Variants in COL5A2 observed in about 807,000 individuals in gnomAD.
COL5A2 encodes collagen type V alpha 2 chain.
In COL5A2, 23 loss-of-function variants were observed where a neutral mutation model predicts 208.2. The ratio of observed to expected loss-of-function variants is 0.11; its 90% CI spans 0.08 to 0.16. The LOEUF (loss-of-function observed/expected upper bound fraction) is 0.16. Among genes scored for constraint, COL5A2 ranks in the 10% least tolerant of loss-of-function variants. The pLI is 1.00. For missense variants in COL5A2, 1,590 were observed against 1,956.4 expected, an observed-to-expected ratio of 0.81 and a Z score of 3.53; for synonymous variants, 625 against 628.5, an observed-to-expected ratio of 0.99 and a Z score of 0.08.
intron 1 of COL5A2, among the ~76,000 whole-genome samples, chr2:189,132,610 T>C (rs950377986): frequency 6.6e-6 from 1 of 152,314 alleles, no homozygotes; most frequent in East Asian, 1.9e-4. Context: ...TAACAATTCA[T>C]CTCATTTATT....
intron 1 of COL5A2, among the ~76,000 whole-genome samples, chr2:189,201,812 AAG>A (rs1384333661): frequency 3.3e-5 from 5 of 151,948 alleles, no homozygotes; most frequent in Non-Finnish European, 7.4e-5. Flanking sequence ...TGGAATTCTC[AAG>A]AGATATGCTT....
chr2:189,398,490 T>A, the COL5A2 span, among the ~76,000 whole-genome samples: 1 of 152,172 alleles, frequency 6.6e-6, no homozygotes, highest in African/African-American at 2.4e-5. Context: ...TCCTTAAAGA[T>A]TGAAACTTTT....
the COL5A2 span, among the ~76,000 whole-genome samples, chr2:189,303,893 G>A: frequency 6.6e-6 from 1 of 152,120 alleles, no homozygotes; most frequent in Non-Finnish European, 1.5e-5. Flanking sequence ...TCTGGGGGCT[G>A]CCCGAGTCAT....
intron 16 of COL5A2, among the ~76,000 whole-genome samples, chr2:189,078,276 TA>T (rs1391556318): frequency 2.0e-5 from 3 of 152,264 alleles, no homozygotes; most frequent in African/African-American, 7.2e-5. Flanking sequence ...TGTATTAAAG[TA>T]GATGACAAAT....
At chr2:189,319,256 G>A in the COL5A2 span, among the ~76,000 whole-genome samples, 18 of 152,220 alleles carry the variant, frequency 1.2e-4, no homozygotes, top group Non-Finnish European at 2.2e-4. Flanking sequence ...GAAGATGGGT[G>A]ATTTCTGCAT....
the COL5A2 span, among the ~76,000 whole-genome samples, chr2:189,328,571 A>C: frequency 2.0e-5 from 3 of 152,230 alleles, no homozygotes; most frequent in Admixed American, 1.3e-4. Context: ...GGTTCCTCCC[A>C]GTCCCACAAA....
the COL5A2 span, among the ~76,000 whole-genome samples, chr2:189,295,718 T>C: frequency 6.6e-6 from 1 of 152,208 alleles, no homozygotes; most frequent in Non-Finnish European, 1.5e-5. Flanking sequence ...ACAACATGGA[T>C]ACAAATTCTG....
At chr2:189,338,502 G>A in the COL5A2 span, among the ~76,000 whole-genome samples, 20 of 151,814 alleles carry the variant, frequency 1.3e-4, no homozygotes, top group Admixed American at 3.3e-4. Flanking sequence ...CCTCTTCTCC[G>A]TTCCTAGCCA....
At position 189,068,828 on chromosome 2, in the gene COL5A2, A is replaced by T. The variant is rs1360546248; in HGVS notation, c.1215T>A (p.Gly405=). The T allele has an allele frequency of 6.2e-7, 1 of 1,612,796 alleles. No individual in the cohort carries two copies. Among genetic ancestry groups the T allele is most frequent in the African/African-American group, 1.3e-5 (1 of 74,870 alleles). Residue 405 remains glycine, a synonymous_variant, in exon 19 of 54, where the codon GGT becomes GGA. Transcript: ENST00000374866. The part of the protein sequence containing the change: ...RGPEGPQGQR[G]ETGPPGPVGS... ...CAACTGGACCTGGGGGCCCAGTTTCACCTCTCTGCCCCTGAGGACCTTCAG... is the reference window on the plus strand; with the variant it reads ...CAACTGGACCTGGGGGCCCAGTTTCTCCTCTCTGCCCCTGAGGACCTTCAG...
intron 1 of COL5A2, among the ~76,000 whole-genome samples, chr2:189,152,153 T>C (rs1181224839): frequency 6.6e-6 from 1 of 152,210 alleles, no homozygotes; most frequent in African/African-American, 2.4e-5. Flanking sequence ...CACTGCAAAG[T>C]AATCAGAGCA....
At chr2:189,109,939 G>T (rs1302442135) in intron 2 of COL5A2, among the ~76,000 whole-genome samples, 1 of 152,122 alleles carries the variant, frequency 6.6e-6, no homozygotes, top group African/African-American at 2.4e-5. Flanking sequence ...CATGCATATG[G>T]TAACAAATGA....
At chr2:189,375,427 C>T in the COL5A2 span, among the ~76,000 whole-genome samples, 2 of 152,130 alleles carry the variant, frequency 1.3e-5, no homozygotes, top group Non-Finnish European at 2.9e-5. Flanking sequence ...GAGGTACAGA[C>T]TATAGTTTAT....
At chr2:189,062,768 C>A (rs949558782) in intron 29 of COL5A2, 97 bp downstream of exon 29, 9 of 1,402,092 alleles carry the variant, frequency 6.4e-6, no homozygotes. Context: ...ATTCACTTTC[C>A]CTGAAACTTA....
intron 2 of COL5A2, among the ~76,000 whole-genome samples, chr2:189,109,125 G>GACC (rs1167846894): frequency 1.3e-5 from 2 of 151,778 alleles, no homozygotes; most frequent in Non-Finnish European, 2.9e-5. Context: ...CCAGCTCCTA[G>GACC]ACCAACTATT....
intron 1 of COL5A2, among the ~76,000 whole-genome samples, chr2:189,178,924 G>A (rs1245981841): frequency 6.6e-6 from 1 of 152,084 alleles, no homozygotes; most frequent in Non-Finnish European, 1.5e-5. Context: ...AAACAAACGA[G>A]ACTGCCTCCC....
At chr2:189,437,479 T>C in the COL5A2 span, among the ~76,000 whole-genome samples, 2 of 152,306 alleles carry the variant, frequency 1.3e-5, no homozygotes, top group Non-Finnish European at 1.5e-5. Context: ...CATTCTAAAA[T>C]TTCGCTTTAG....
chr2:189,213,138 C>T (rs1304478259), intron 1 of COL5A2, among the ~76,000 whole-genome samples: 2 of 151,954 alleles, frequency 1.3e-5, no homozygotes, highest in East Asian at 3.9e-4. Context: ...GATCCATCCA[C>T]CTCAGCCTCC....
chr2:189,265,468 T>A, the COL5A2 span, among the ~76,000 whole-genome samples: 2 of 152,182 alleles, frequency 1.3e-5, no homozygotes, highest in East Asian at 3.9e-4. Context: ...TCCATGTGTG[T>A]TCTGTATTCA....
chr2:189,213,220 G>T (rs1689237772), intron 1 of COL5A2, among the ~76,000 whole-genome samples: 1 of 151,934 alleles, frequency 6.6e-6, no homozygotes, highest in African/African-American at 2.4e-5. Context: ...ATCTTAAAGG[G>T]GGGAGTTGTA....
Sources: allele counts gnomAD v4.1 joint callset (sites outside exome capture counted in the v4.1 genomes callset), GRCh38; gene constraint gnomAD v4.1.1; transcripts MANE v1.5; gene names NCBI Gene and HGNC (gene_info 2026-07-23, HGNC 2026-07-21).